MYO10: variants seen among roughly 807,000 people sequenced by gnomAD.
MYO10 encodes myosin X.
Under a neutral mutation model 257.3 loss-of-function variants are expected in MYO10, and 133 were observed. The ratio of observed to expected loss-of-function variants is 0.52; its 90% CI spans 0.45 to 0.60. MYO10 has a LOEUF of 0.60. Ranked by LOEUF, MYO10 falls within the 20% of genes least tolerant of loss-of-function variation. MYO10 has a pLI of 0.00. For missense variants in MYO10, 2,399 were observed against 2,635.7 expected (o/e 0.91, Z 1.97); for synonymous variants, 1,104 against 1,028.6 (o/e 1.07, Z -1.40).
intron 2 of MYO10, among the ~76,000 whole-genome samples, chr5:16,819,404 T>C (rs1742733769): frequency 6.6e-6 from 1 of 152,204 alleles, no homozygotes; most frequent in Non-Finnish European, 1.5e-5. Context: ...GCTCCATCTG[T>C]TGACCAAAGC....
rs1240317216 is a variant in MYO10, at chr5:16,935,765, G to A, written c.21+23C>T. 2.5e-6 allele frequency: 4 copies of A among 1,613,448 alleles called. No homozygotes were observed. The South Asian group carries it at 3.3e-5, about 13-fold the overall frequency. On this transcript the variant is annotated intron_variant, in intron 1 of 40. Transcript: ENST00000513610. ...CTCTCTCCCTGGGCTCCGGAGGCCA[G>A]GTCGGACTGGGAGCGCACTTACCTC...
Position 16,665,693 on chromosome 5 carries a change from C to T in MYO10, c.*999G>A, listed in dbSNP as rs1736132657. ...TCCAGAATGATAGAAGCTAACCTTCCAAGTAACACTTTGTTTTTAACTTAA... is the reference window on the plus strand; with the variant it reads ...TCCAGAATGATAGAAGCTAACCTTCTAAGTAACACTTTGTTTTTAACTTAA... On this transcript the variant is annotated 3_prime_UTR_variant, in exon 41 of 41. Transcript: ENST00000513610. 1 of 152,552 alleles carries T rather than the reference C, an allele frequency of 6.6e-6. No individual in the cohort carries two copies. The highest frequency in any genetic ancestry group is 2.1e-4 in the South Asian group (1 of 4,832). 9.4% of individuals were successfully genotyped at this position (152,552 alleles called of 1,614,324 possible).
Position 16,877,700 on chromosome 5 carries a change from C to G in MYO10, c.29G>C (p.Arg10Pro). 1 of 1,612,742 alleles carries G rather than the reference C, an allele frequency of 6.2e-7. No individual in the cohort carries two copies. The highest frequency in any genetic ancestry group is 8.5e-7 in the Non-Finnish European group (1 of 1,179,310). ...CTGGCCATTTTCTCTCAGCCAGACC[C>G]GTGTTCCCTGTAAACAAAACAAACA... The part of the protein sequence containing the change: MDNFFTEGT[R>P]VWLRENGQHF... The change falls in exon 2 of 41, where the codon CGG (arginine) becomes CCG (proline). Residue 10 changes from arginine (R) to proline (P), a missense_variant. Arg to Pro is a moderately radical substitution (Grantham distance 103, BLOSUM62 -2). Coordinates refer to ENST00000513610, the MANE Select transcript of MYO10 (RefSeq NM_012334.3).
intron 2 of MYO10, among the ~76,000 whole-genome samples, chr5:16,854,920 C>A (rs2126739734): frequency 6.6e-6 from 1 of 152,034 alleles, no homozygotes; most frequent in East Asian, 1.9e-4. Context: ...GTAATCTCAG[C>A]TACTCGGGAG....
At chr5:16,902,550 G>A in intron 1 of MYO10, 2 of 1,578,712 alleles carry the variant, frequency 1.3e-6, no homozygotes, top group African/African-American at 1.3e-5. Flanking sequence ...CTTGTCCTTG[G>A]GCACGCATCG....
intron 7 of MYO10, 55 bp from the exon 8 acceptor site, chr5:16,780,663 C>T (rs369582198): frequency 1.3e-6 from 2 of 1,547,928 alleles, no homozygotes; most frequent in African/African-American, 1.4e-5. Flanking sequence ...TTAATTCACA[C>T]AAACCAATAA....
chr5:16,920,491 G>T (rs937553946), intron 1 of MYO10, among the ~76,000 whole-genome samples: 1 of 152,180 alleles, frequency 6.6e-6, no homozygotes, highest in East Asian at 1.9e-4. Flanking sequence ...GAAAAAAGAA[G>T]TAGGTGCTGG....
In MYO10 at chr5:16,912,845, C is replaced by CACAT. The variant is rs1554008438; in HGVS notation, c.21+22942_21+22943insATGT. Among the ~76,000 whole-genome samples the CACAT allele has an allele frequency of 3.4e-3, 519 of 150,644 alleles. 3 individuals are homozygous for CACAT. Among genetic ancestry groups the CACAT allele is most frequent in the African/African-American group, 0.012 (485 of 40,840 alleles). ...ACACACACACACACACACACACACA[C>CACAT]ACACCATGGTACCTCCAAGATTGAA... is the stretch of plus-strand genomic sequence containing the variant. On this transcript the variant is annotated intron_variant, in intron 1 of 40. Coordinates refer to ENST00000513610, the MANE Select transcript of MYO10 (RefSeq NM_012334.3).
At chr5:16,762,458 G>A (rs1329133553) in intron 15 of MYO10, 87 bp downstream of exon 15, 36 of 1,054,058 alleles carry the variant, frequency 3.4e-5, no homozygotes, top group Non-Finnish European at 4.9e-5. Context: ...GGCACAGTTG[G>A]GCCAGCGGAC....
chr5:16,872,100 G>C (rs75546942), intron 2 of MYO10, among the ~76,000 whole-genome samples: 3,156 of 152,256 alleles, frequency 0.021, 127 homozygotes, highest in African/African-American at 0.073. Context: ...CTCACTAAGA[G>C]CTGCCCATGG....
intron 19 of MYO10, among the ~76,000 whole-genome samples, 188 bp from the exon 20 acceptor site, chr5:16,711,433 G>T (rs1199400393): frequency 6.6e-6 from 1 of 152,076 alleles, no homozygotes; most frequent in African/African-American, 2.4e-5. Flanking sequence ...CTTAACAACC[G>T]TCAACCCCTG....
At chr5:16,712,125 G>A (rs1399920503) in intron 19 of MYO10, among the ~76,000 whole-genome samples, 1 of 141,892 alleles carries the variant, frequency 7.0e-6, no homozygotes, top group Non-Finnish European at 1.5e-5. Flanking sequence ...GTGGGGGTGG[G>A]GATGGGGAAG....
chr5:16,829,288 G>A (rs253323), intron 2 of MYO10, among the ~76,000 whole-genome samples: 137,248 of 152,248 alleles, frequency 0.9, 62,010 homozygotes, highest in African/African-American at 0.96. Context: ...GCACATAAGT[G>A]GTTAGGGAGG....
In MYO10 at chr5:16,701,193, T is replaced by C; in HGVS notation, c.3202A>G (p.Ser1068Gly). 3 of 1,610,182 alleles carry C rather than the reference T, an allele frequency of 1.9e-6. No individual in the cohort carries two copies. Among genetic ancestry groups the C allele is most frequent in the Non-Finnish European group, 2.5e-6 (3 of 1,178,292 alleles). The stretch of plus-strand genomic sequence containing the variant: ...GGCATGCAGTAGGTGGACTCGCCGC[T>C]GGAGGAGTTGTGTAGGCTCCCGGAG... The part of the protein sequence containing the change: ...QDSGSLHNSS[S>G]GESTYCMPQN... The change falls in exon 25 of 41, where the codon AGC becomes GGC. Residue 1068 changes from serine (S) to glycine (G), a missense_variant. Coordinates refer to ENST00000513610, the MANE Select transcript of MYO10 (RefSeq NM_012334.3). This position sits in a 1 kb window ranked among gnomAD's most constrained non-coding sequence, Gnocchi z 8.1.
At chr5:16,830,711 T>C (rs1743140747) in intron 2 of MYO10, among the ~76,000 whole-genome samples, 1 of 68,820 alleles carries the variant, frequency 1.5e-5, no homozygotes, top group African/African-American at 5.1e-5. Flanking sequence ...AGGGCGACTG[T>C]ACTCTTGGGC....
intron 2 of MYO10, among the ~76,000 whole-genome samples, chr5:16,829,589 T>C (rs536170583): frequency 6.6e-6 from 1 of 152,288 alleles, no homozygotes; most frequent in African/African-American, 2.4e-5. Flanking sequence ...GACCAGTCAC[T>C]GAGCGGTAAA....
At chr5:16,870,278 C>CA (rs1744414837) in intron 2 of MYO10, among the ~76,000 whole-genome samples, 1 of 151,386 alleles carries the variant, frequency 6.6e-6, no homozygotes, top group Non-Finnish European at 1.5e-5. Context: ...TTGCTTCCTC[C>CA]AAAACACTAA....
chr5:16,867,759 G>A (rs1744323289), intron 2 of MYO10, among the ~76,000 whole-genome samples: 1 of 152,158 alleles, frequency 6.6e-6, no homozygotes, highest in Non-Finnish European at 1.5e-5. Flanking sequence ...CTCTTAGCAG[G>A]TGGGAATGAC....
intron 21 of MYO10, among the ~76,000 whole-genome samples, chr5:16,707,406 C>T (rs1738395367): frequency 6.6e-6 from 1 of 152,184 alleles, no homozygotes; most frequent in African/African-American, 2.4e-5. Context: ...AGCAGCTGAG[C>T]AAAGGGTGGT....
Sources: allele counts gnomAD v4.1 joint callset (sites outside exome capture counted in the v4.1 genomes callset), GRCh38; gene constraint gnomAD v4.1.1; non-coding constraint Gnocchi (gnomAD v3.1); transcripts MANE v1.5; gene names NCBI Gene and HGNC (gene_info 2026-07-23, HGNC 2026-07-21).